HK1: variants seen among roughly 807,000 people sequenced by gnomAD.
HK1 encodes hexokinase-1.
In HK1, 28 loss-of-function variants were observed where a neutral mutation model predicts 91.6. That is an observed-to-expected ratio of 0.31 (90% CI 0.23 to 0.42). The LOEUF (loss-of-function observed/expected upper bound fraction) is 0.42. HK1 is among the 10% of genes least tolerant of loss of function. The pLI is 1.00. For missense variants in HK1, 770 were observed against 1,219.8 expected (o/e 0.63, Z 5.49); for synonymous variants, 430 against 468.1 (o/e 0.92, Z 1.05).
Position 69,382,495 on chromosome 10 carries a change from G to T in HK1, c.1274G>T (p.Arg425Leu). 1.2e-6 allele frequency: 2 copies of T among 1,614,174 alleles called. No homozygotes were observed. The highest frequency in any genetic ancestry group is 1.7e-6 in the Non-Finnish European group (2 of 1,180,022). Residue 425 changes from arginine (R) to leucine (L), a missense_variant, in exon 10 of 18, where the codon CGG (arginine) becomes CTG (leucine). Transcript: ENST00000359426. ...SLYKTHPQYS[R>L]RFHKTLRRLV... is the part of the protein sequence containing the mutation. ...CCCCCTGCCCCCATAAGGTATTCCC[G>T]GCGTTTCCACAAGACTCTAAGGCGC...
chr10:69,280,273 A>G (rs796531881), intron 1 of HK1, among the ~76,000 whole-genome samples: 3 of 152,120 alleles, frequency 2.0e-5, no homozygotes, highest in African/African-American at 7.2e-5. Context: ...TACCATGCCC[A>G]GCTAATTTTT....
chr10:69,305,003 C>T (rs1846040725), intron 5 of HK1, among the ~76,000 whole-genome samples: 1 of 152,152 alleles, frequency 6.6e-6, no homozygotes, highest in Non-Finnish European at 1.5e-5. Flanking sequence ...TGGCCCCAAG[C>T]GTTCCTTGGC....
rs1480434744 is a variant in HK1 at position 69,380,537 on chromosome 10, A to T, written c.1265+442A>T. On this transcript the variant is annotated intron_variant, in intron 9 of 17. Coordinates refer to ENST00000359426, the MANE Select transcript of HK1 (RefSeq NM_000188.3). This position sits in a 1 kb window ranked among gnomAD's most constrained non-coding sequence, Gnocchi z 4.0. The stretch of plus-strand genomic sequence containing the variant: ...CTCTCGTCCGCATTTCATCAGGAGG[A>T]CCTTGGGTCATAGGTGTGGTACCCA... Among the ~76,000 whole-genome samples, 1 of 152,046 alleles carries T rather than the reference A, an allele frequency of 6.6e-6. No individual in the cohort carries two copies. The highest frequency in any genetic ancestry group is 1.5e-5 in the Non-Finnish European group (1 of 68,022).
chr10:69,307,654 A>G (rs1329122068), intron 5 of HK1, among the ~76,000 whole-genome samples: 1 of 152,166 alleles, frequency 6.6e-6, no homozygotes, highest in Non-Finnish European at 1.5e-5. Flanking sequence ...CATCTATAAA[A>G]TGGGGATATT....
Position 69,348,590 on chromosome 10 carries a change from C to T in HK1, c.226+4601C>T, listed in dbSNP as rs10998734. Among the ~76,000 whole-genome samples the T allele has an allele frequency of 8.6e-3, 1,317 of 152,330 alleles. 17 individuals carry two copies. The highest frequency in any genetic ancestry group is 0.03 in the African/African-American group (1,249 of 41,578). On this transcript the variant is annotated intron_variant, in intron 2 of 17. Transcript: ENST00000359426. Reference sequence around the variant, plus strand: ...CTTTGGGAGGCCGAGGCAGGCGGATCACCTGAGGTCAGGAGTTGGAGACCG... The same window carrying T: ...CTTTGGGAGGCCGAGGCAGGCGGATTACCTGAGGTCAGGAGTTGGAGACCG...
chr10:69,312,138 A>T (rs1429863564), upstream of HK1, among the ~76,000 whole-genome samples: 1 of 152,256 alleles, frequency 6.6e-6, no homozygotes, highest in African/African-American at 2.4e-5. Context: ...AAAAGTCAAC[A>T]GACAAAAGAC....
Position 69,380,209 on chromosome 10 carries a change from G to A in HK1, c.1265+114G>A. The stretch of plus-strand genomic sequence containing the variant: ...GTTTTTCGGCAGACAAGACAATGGT[G>A]GTCGGGGGCTGTGGCTCATGCCTGT... On this transcript the variant is annotated intron_variant, in intron 9 of 17. Coordinates refer to ENST00000359426, the MANE Select transcript of HK1 (RefSeq NM_000188.3). This position sits in a 1 kb window ranked among gnomAD's most constrained non-coding sequence, Gnocchi z 4.0. 3 of 844,662 alleles carry A rather than the reference G, an allele frequency of 3.6e-6. No homozygotes were observed. The highest frequency in any genetic ancestry group is 2.8e-5 in the South Asian group (2 of 70,346). 52.3% of individuals were successfully genotyped at this position (844,662 alleles called of 1,614,324 possible).
chr10:69,371,590 T>C (rs1453544872), intron 7 of HK1, among the ~76,000 whole-genome samples: 1 of 152,228 alleles, frequency 6.6e-6, no homozygotes, highest in African/African-American at 2.4e-5. Context: ...ATGAGAAGTC[T>C]CTTTTCTTAG....
intron 1 of HK1, chr10:69,282,504 C>T (rs1464475573): frequency 6.6e-6 from 1 of 152,182 alleles, no homozygotes; most frequent in Non-Finnish European, 1.5e-5. Flanking sequence ...ACGACAAATA[C>T]ATCTTTTGTC....
intron 1 of HK1, among the ~76,000 whole-genome samples, chr10:69,333,637 G>C (rs114676001): frequency 2.0e-5 from 3 of 151,912 alleles, no homozygotes; most frequent in Non-Finnish European, 4.4e-5. Flanking sequence ...TTGGAGTGCC[G>C]CTCTGCTTGC....
chr10:69,318,853 G>C lies in HK1; in HGVS notation c.-95G>C. Reference sequence around the variant, plus strand: ...GGAGCCGGGGGAGGAGGAGGAGGAGGAGCCGCCGAGCAGCCGCCGGAGGAC... The same window carrying C: ...GGAGCCGGGGGAGGAGGAGGAGGAGCAGCCGCCGAGCAGCCGCCGGAGGAC... On this transcript the variant is annotated 5_prime_UTR_variant, in exon 1 of 18. Transcript: ENST00000359426. 2.0e-6 allele frequency: 3 copies of C among 1,490,958 alleles called. No homozygotes were observed. The highest frequency in any genetic ancestry group is 2.7e-6 in the Non-Finnish European group (3 of 1,121,970). 92.4% of individuals were successfully genotyped at this position (1,490,958 alleles called of 1,614,324 possible).
chr10:69,319,821 G>T (rs1173747685), intron 1 of HK1, among the ~76,000 whole-genome samples: 1 of 152,194 alleles, frequency 6.6e-6, no homozygotes, highest in Non-Finnish European at 1.5e-5. Context: ...GGTCTTAAAG[G>T]TGTATTTGTC....
At chr10:69,382,963 T>C (rs1839467257) in intron 10 of HK1, among the ~76,000 whole-genome samples, 172 bp downstream of exon 10, 1 of 152,188 alleles carries the variant, frequency 6.6e-6, no homozygotes, top group Admixed American at 6.5e-5. Context: ...TGATTTGTCA[T>C]GTGTGTGACT....
At chr10:69,314,142 C>T (rs1846522618), upstream of HK1, among the ~76,000 whole-genome samples, 3 of 152,344 alleles carry the variant, frequency 2.0e-5, no homozygotes, top group South Asian at 6.2e-4. Flanking sequence ...GACCCTGGAG[C>T]AACTGCCTTC....
At chr10:69,389,357 T>TG (rs1839790926) in intron 14 of HK1, 61 bp downstream of exon 14, 1 of 1,261,736 alleles carries the variant, frequency 7.9e-7, no homozygotes, top group African/African-American at 1.5e-5. Flanking sequence ...CCCCGTTTTG[T>TG]GGGGCCTTGG....
At chr10:69,286,729 G>A (rs1471329144) in intron 2 of HK1, among the ~76,000 whole-genome samples, 3 of 150,834 alleles carry the variant, frequency 2.0e-5, no homozygotes, top group Non-Finnish European at 1.5e-5. Flanking sequence ...TTTGTATTTA[G>A]TAGAGAGGGG....
intron 3 of HK1, among the ~76,000 whole-genome samples, chr10:69,361,332 C>T (rs1849407329): frequency 1.3e-5 from 2 of 152,264 alleles, no homozygotes; most frequent in Non-Finnish European, 2.9e-5. Flanking sequence ...GCCCATCCAT[C>T]TGGCGCCTGC....
intron 3 of HK1, among the ~76,000 whole-genome samples, chr10:69,292,774 G>A (rs1353225860): frequency 6.6e-6 from 1 of 152,136 alleles, no homozygotes; most frequent in Non-Finnish European, 1.5e-5. Flanking sequence ...TACCTGCAGG[G>A]GTGAGTGGAG....
chr10:69,284,234 CCTTGGGAAGCTA>C (rs1479651576), intron 2 of HK1, among the ~76,000 whole-genome samples: 1 of 152,140 alleles, frequency 6.6e-6, no homozygotes, highest in African/African-American at 2.4e-5. Flanking sequence ...AGCCATATGA[CCTTGGGAAGCTA>C]CTTGACTGCT....
Sources: gnomAD v4.1 joint callset for allele counts (sites outside exome capture counted in the v4.1 genomes callset) on GRCh38, gnomAD v4.1.1 for gene constraint, Gnocchi (gnomAD v3.1) non-coding constraint, MANE v1.5 for transcripts, NCBI Gene and HGNC (gene_info 2026-07-23, HGNC 2026-07-21) for gene names.